CNTNAP2: variants seen among roughly 807,000 people sequenced by gnomAD.
CNTNAP2 encodes contactin associated protein 2.
A neutral mutation model predicts 155.2 loss-of-function variants in CNTNAP2; 98 were observed. That is an observed-to-expected ratio of 0.63 (90% CI 0.54 to 0.75). The LOEUF (loss-of-function observed/expected upper bound fraction) is 0.75. Among genes scored for constraint, CNTNAP2 ranks in the 30% least tolerant of loss-of-function variants. CNTNAP2 has a pLI of 0.00. For synonymous variants in CNTNAP2, 651 were observed against 631.2 expected, an observed-to-expected ratio of 1.03 and a Z score of -0.47; for missense variants, 1,727 against 1,688.1, an observed-to-expected ratio of 1.02 and a Z score of -0.40.
At chr7:147,778,831 GAAATC>G (rs1277571740) in intron 13 of CNTNAP2, among the ~76,000 whole-genome samples, 1 of 152,080 alleles carries the variant, frequency 6.6e-6, no homozygotes, top group Admixed American at 6.5e-5. Flanking sequence ...GAAATTTTAT[GAAATC>G]AAAGGAGCTG....
At chr7:146,855,449 T>G (rs375805571) in intron 3 of CNTNAP2, among the ~76,000 whole-genome samples, 2 of 152,248 alleles carry the variant, frequency 1.3e-5, no homozygotes, top group East Asian at 3.9e-4. Flanking sequence ...CAAATATAGA[T>G]TGGTTGAATA....
chr7:146,354,233 T>G (rs73738238), intron 1 of CNTNAP2, among the ~76,000 whole-genome samples: 5,003 of 151,578 alleles, frequency 0.033, 297 homozygotes, highest in African/African-American at 0.12. Context: ...CTTTAGATTC[T>G]AAATGCGTAA....
At chr7:148,129,037 G>C (rs1488297454) in intron 16 of CNTNAP2, among the ~76,000 whole-genome samples, 2 of 151,936 alleles carry the variant, frequency 1.3e-5, no homozygotes, top group Non-Finnish European at 2.9e-5. Context: ...CCTTTGCCTT[G>C]GGCCCACATC....
chr7:148,192,235 T>C (rs780678972), intron 18 of CNTNAP2, among the ~76,000 whole-genome samples: 4 of 152,174 alleles, frequency 2.6e-5, no homozygotes, highest in Non-Finnish European at 4.4e-5. Context: ...ACAAAATACA[T>C]TAAATAAACT....
intron 8 of CNTNAP2, among the ~76,000 whole-genome samples, chr7:147,208,256 T>C (rs1028366078): frequency 1.3e-5 from 2 of 152,126 alleles, no homozygotes; most frequent in African/African-American, 2.4e-5. Context: ...TCAGCCACTC[T>C]GTCTTCTATT....
intron 13 of CNTNAP2, among the ~76,000 whole-genome samples, chr7:147,875,848 G>A (rs768424474): frequency 6.6e-6 from 1 of 152,114 alleles, no homozygotes; most frequent in South Asian, 2.1e-4. Context: ...GATTACTCTG[G>A]GTGACCCTAC....
intron 4 of CNTNAP2, among the ~76,000 whole-genome samples, chr7:147,101,543 G>A (rs893772099): frequency 5.9e-5 from 9 of 152,262 alleles, no homozygotes; most frequent in Admixed American, 4.6e-4. Flanking sequence ...CTCTTGATAC[G>A]CAGGTCCTTG....
chr7:147,631,960 C>A (rs901056639), intron 12 of CNTNAP2, among the ~76,000 whole-genome samples: 1 of 151,902 alleles, frequency 6.6e-6, no homozygotes, highest in Non-Finnish European at 1.5e-5. Context: ...AGCAAATGCA[C>A]CAAAAACAAA....
intron 13 of CNTNAP2, among the ~76,000 whole-genome samples, chr7:147,847,392 C>T (rs1324635774): frequency 1.1e-4 from 14 of 124,492 alleles, no homozygotes; most frequent in African/African-American, 3.8e-4. Context: ...ATCGCATCAG[C>T]TCCTGAGGCT....
chr7:147,112,943 ATAG>A lies in CNTNAP2; in HGVS notation c.754+4595_754+4597del, dbSNP rs568754788. Among the ~76,000 whole-genome samples the A allele has an allele frequency of 2.8e-3, 419 of 152,130 alleles. 2 individuals are homozygous for A. Among genetic ancestry groups the A allele is most frequent in the South Asian group, 8.1e-3 (39 of 4,818 alleles). ...AGTCCTTCCTTTTCAGGTTTTTGGA[ATAG>A]TTTGAATAGGCATGTTATCAGCTCT... On this transcript the variant is annotated intron_variant, in intron 5 of 23. Transcript: ENST00000361727.
chr7:146,397,858 A>G (rs1309568186), intron 1 of CNTNAP2, among the ~76,000 whole-genome samples: 1 of 149,364 alleles, frequency 6.7e-6, no homozygotes, highest in African/African-American at 2.5e-5. Flanking sequence ...TTTGTATACC[A>G]AAATTTGACA....
chr7:147,874,805 G>C (rs1799395018), intron 13 of CNTNAP2, among the ~76,000 whole-genome samples: 2 of 152,082 alleles, frequency 1.3e-5, no homozygotes, highest in African/African-American at 4.8e-5. Flanking sequence ...CATCTTGAAT[G>C]CTTTGCTGCT....
intron 13 of CNTNAP2, among the ~76,000 whole-genome samples, chr7:147,900,606 TTTTG>T (rs1799851530): frequency 6.6e-6 from 1 of 152,054 alleles, no homozygotes; most frequent in African/African-American, 2.4e-5. Flanking sequence ...TTGGTGGGTT[TTTTG>T]TTTGTTTTGT....
rs142954411 is a variant in CNTNAP2 at position 146,777,308 on chromosome 7, C to T, written c.208+2927C>T. Among the ~76,000 whole-genome samples, 1,427 of 152,300 alleles carry T rather than the reference C, an allele frequency of 9.4e-3. 10 individuals carry two copies. Among genetic ancestry groups the T allele is most frequent in the Middle Eastern group, 0.017 (5 of 294 alleles). On this transcript the variant is annotated intron_variant, in intron 2 of 23. Coordinates refer to ENST00000361727, the MANE Select transcript of CNTNAP2 (RefSeq NM_014141.6). ...GCTTTGCTTATCAGCGTTATGCTGT[C>T]CATAATGACATATAACTCGCCCTCC...
chr7:146,591,408 GAAT>G lies in CNTNAP2; in HGVS notation c.98-182856_98-182854del, dbSNP rs1377273792. Among the ~76,000 whole-genome samples, 3 of 6,156 alleles carry G rather than the reference GAAT, an allele frequency of 4.9e-4. No individual in the cohort carries two copies. In the African/African-American group the frequency reaches 5.6e-3, roughly 11 times the overall value. 4.0% of individuals were successfully genotyped at this position (6,156 alleles called of 152,430 possible). Reference sequence around the variant, plus strand: ...AGGGTCAAAATGGGTGGTAAATGTGGAATAATAATTGAGAAATGTAAAATAATT... The same window carrying G: ...AGGGTCAAAATGGGTGGTAAATGTGGAATAATTGAGAAATGTAAAATAATT... On this transcript the variant is annotated intron_variant, in intron 1 of 23. Coordinates refer to ENST00000361727, the MANE Select transcript of CNTNAP2 (RefSeq NM_014141.6).
At chr7:148,072,112 T>A (rs1019799969) in intron 15 of CNTNAP2, among the ~76,000 whole-genome samples, 2 of 152,164 alleles carry the variant, frequency 1.3e-5, no homozygotes, top group African/African-American at 4.8e-5. Context: ...ACAGCCTGAT[T>A]TATAATTGTT....
chr7:148,037,502 T>G (rs1167304671), intron 15 of CNTNAP2, among the ~76,000 whole-genome samples: 2 of 152,232 alleles, frequency 1.3e-5, no homozygotes, highest in Non-Finnish European at 2.9e-5. Flanking sequence ...GATCATTCAA[T>G]TCACTGAACT....
At chr7:146,448,464 G>A in intron 1 of CNTNAP2, among the ~76,000 whole-genome samples, 1 of 150,524 alleles carries the variant, frequency 6.6e-6, no homozygotes, top group East Asian at 1.9e-4. Flanking sequence ...ATAGAAGATT[G>A]CACTTACCGT....
chr7:148,226,277 G>A (rs1386877866), intron 19 of CNTNAP2, among the ~76,000 whole-genome samples: 1 of 152,022 alleles, frequency 6.6e-6, no homozygotes, highest in African/African-American at 2.4e-5. Context: ...GGTGTCTGAT[G>A]GGCATACACC....
Sources: allele counts gnomAD v4.1 joint callset (sites outside exome capture counted in the v4.1 genomes callset), GRCh38; gene constraint gnomAD v4.1.1; transcripts MANE v1.5; gene names NCBI Gene and HGNC (gene_info 2026-07-23, HGNC 2026-07-21).